GRIK4: variants seen among roughly 807,000 people sequenced by gnomAD.
GRIK4 encodes the protein glutamate receptor ionotropic, kainate 4.
A neutral mutation model predicts 104.9 loss-of-function variants in GRIK4; 40 were observed. That is an observed-to-expected ratio of 0.38 (90% CI 0.30 to 0.50). The LOEUF is 0.50. Ranked by LOEUF, GRIK4 falls within the 20% of genes least tolerant of loss-of-function variation. GRIK4 has a pLI of 0.93. For missense variants in GRIK4, 1,047 were observed against 1,308.1 expected, an observed-to-expected ratio of 0.80 and a Z score of 3.08; for synonymous variants, 485 against 524.9, an observed-to-expected ratio of 0.92 and a Z score of 1.04.
Position 120,953,011 on chromosome 11 carries a change from C to T in GRIK4, c.1700+47C>T, listed in dbSNP as rs77674279. 27 of 1,248,296 alleles carry T rather than the reference C, an allele frequency of 2.2e-5. 2 individuals carry two copies. In the South Asian group the frequency reaches 2.5e-4, roughly 12 times the overall value. The allele number at this position is 1,248,296 out of a possible 1,614,324, so 77.3% of individuals were successfully genotyped here. ...TGTCCTTACACCGCCACCTCGTGTC[C>T]ACCTCTGGGAACTGCATGGGGAGGG... On this transcript the variant is annotated intron_variant, in intron 15 of 20. Transcript: ENST00000527524. This position sits in a 1 kb window ranked among gnomAD's most constrained non-coding sequence, Gnocchi z 4.9.
chr11:120,620,020 G>A lies in GRIK4; in HGVS notation c.-158-33665G>A, dbSNP rs116217890. On this transcript the variant is annotated intron_variant, in intron 1 of 20. Transcript: ENST00000527524. ...TGGGAATCTCGGTGGAGCTGTTAGC[G>A]TAGTGAACCTGTGTGTAAAATACGT... 1,178 of 524,572 alleles carry A rather than the reference G, an allele frequency of 2.2e-3. 5 individuals carry two copies. The highest frequency in any genetic ancestry group is 0.019 in the African/African-American group (956 of 50,986). The allele number at this position is 524,572 out of a possible 1,614,324, so 32.5% of individuals were successfully genotyped here. A position where few individuals can be genotyped will look rare whatever the true frequency, so the allele number is the denominator to read the frequency against.
chr11:120,711,130 C>T (rs186620838), intron 3 of GRIK4, among the ~76,000 whole-genome samples: 3 of 152,310 alleles, frequency 2.0e-5, no homozygotes, highest in African/African-American at 7.2e-5. Flanking sequence ...TCCTGCACCA[C>T]AGCTTGTTAT....
intron 1 of GRIK4, among the ~76,000 whole-genome samples, chr11:120,634,402 C>A (rs1229882711): frequency 6.6e-6 from 1 of 152,114 alleles, no homozygotes; most frequent in Admixed American, 6.5e-5. Flanking sequence ...TCTCCCACAC[C>A]ACCCCGCCAC....
intron 11 of GRIK4, among the ~76,000 whole-genome samples, chr11:120,875,722 C>A (rs1271035848): frequency 6.6e-6 from 1 of 152,124 alleles, no homozygotes; most frequent in Non-Finnish European, 1.5e-5. Context: ...CCTCTCCTGG[C>A]CGCTCCCTGC....
chr11:120,957,477 G>A (rs1231517337), intron 16 of GRIK4, among the ~76,000 whole-genome samples: 2 of 152,208 alleles, frequency 1.3e-5, no homozygotes, highest in Non-Finnish European at 2.9e-5. Context: ...GTTCAGAGTT[G>A]AGCAAATGAT....
chr11:120,643,568 A>G (rs1251540435), intron 1 of GRIK4, among the ~76,000 whole-genome samples: 1 of 152,232 alleles, frequency 6.6e-6, no homozygotes, highest in African/African-American at 2.4e-5. Context: ...GAACAGTGGT[A>G]CTTGTTAAAT....
intron 3 of GRIK4, among the ~76,000 whole-genome samples, chr11:120,677,417 T>G (rs1033513629): frequency 2.0e-5 from 3 of 152,166 alleles, no homozygotes; most frequent in Non-Finnish European, 4.4e-5. Flanking sequence ...TATGTGTGCT[T>G]TAAGAAGCAA....
At chr11:120,735,612 A>C (rs548047899) in intron 3 of GRIK4, among the ~76,000 whole-genome samples, 1 of 151,946 alleles carries the variant, frequency 6.6e-6, no homozygotes, top group African/African-American at 2.4e-5. Context: ...CCAGGTTTGC[A>C]TCCTTTCTTT....
In GRIK4 at chr11:120,905,528, G is replaced by A. The variant is rs1290758189; in HGVS notation, c.1476+35G>A. On this transcript the variant is annotated intron_variant, in intron 13 of 20. Coordinates refer to ENST00000527524, the MANE Select transcript of GRIK4 (RefSeq NM_014619.5). The surrounding 1 kb of genome is among the most constrained non-coding windows in gnomAD (Gnocchi z 5.1). ...GGACAAGTGATCTGGGCCTGAGGGTGGGCTGGGAGGGATTGGAAGAGCATG... is the reference window on the plus strand; with the variant it reads ...GGACAAGTGATCTGGGCCTGAGGGTAGGCTGGGAGGGATTGGAAGAGCATG... The A allele has an allele frequency of 9.0e-7, 1 of 1,107,084 alleles. No individual in the cohort carries two copies. Among genetic ancestry groups the A allele is most frequent in the Non-Finnish European group, 1.4e-6 (1 of 729,172 alleles). The allele number at this position is 1,107,084 out of a possible 1,614,324, so 68.6% of individuals were successfully genotyped here. A position where few individuals can be genotyped will look rare whatever the true frequency, so the allele number is the denominator to read the frequency against.
intron 3 of GRIK4, among the ~76,000 whole-genome samples, chr11:120,699,539 ATGTGTGTGTG>A (rs57345739): frequency 0.042 from 6,168 of 145,132 alleles, 295 homozygotes; most frequent in African/African-American, 0.13. Flanking sequence ...AGGTGTGTGT[ATGTGTGTGTG>A]TGTGTGTGTG....
chr11:120,924,787 C>G (rs1943306404), intron 13 of GRIK4, among the ~76,000 whole-genome samples: 1 of 152,196 alleles, frequency 6.6e-6, no homozygotes, highest in African/African-American at 2.4e-5. Context: ...TGAGCCATGT[C>G]AACAAGTGGG....
chr11:120,576,548 C>G (rs959043894), intron 1 of GRIK4: 1 of 152,112 alleles, frequency 6.6e-6, no homozygotes, highest in Non-Finnish European at 1.5e-5. Context: ...ATGACCTGGG[C>G]GGATGGAGGC....
chr11:120,840,715 C>G (rs1953690775), intron 8 of GRIK4, among the ~76,000 whole-genome samples: 2 of 152,186 alleles, frequency 1.3e-5, no homozygotes, highest in African/African-American at 4.8e-5. Context: ...CATGCCAACA[C>G]AGAGAACTAG....
intron 3 of GRIK4, among the ~76,000 whole-genome samples, chr11:120,661,443 G>A (rs1353745526): frequency 6.6e-6 from 1 of 152,222 alleles, no homozygotes; most frequent in African/African-American, 2.4e-5. Flanking sequence ...CACACTGGGG[G>A]TGGGGTTGGG....
intron 13 of GRIK4, among the ~76,000 whole-genome samples, chr11:120,928,457 G>A (rs181081213): frequency 5.3e-5 from 8 of 152,222 alleles, no homozygotes. Context: ...TGCTCAGCTG[G>A]TGAATGGCAG....
intron 1 of GRIK4, among the ~76,000 whole-genome samples, chr11:120,625,426 C>T (rs961751906): frequency 8.5e-5 from 13 of 152,062 alleles, no homozygotes; most frequent in Non-Finnish European, 1.6e-4. Context: ...CCGGGGGAGG[C>T]GGAGAGAGAA....
intron 3 of GRIK4, among the ~76,000 whole-genome samples, chr11:120,663,956 A>C (rs981747898): frequency 2.6e-5 from 4 of 152,192 alleles, no homozygotes; most frequent in Non-Finnish European, 5.9e-5. Flanking sequence ...CATCTGTTCC[A>C]GCACTTGCCG....
At chr11:120,865,327 A>C (rs372082696) in intron 9 of GRIK4, among the ~76,000 whole-genome samples, 2 of 152,354 alleles carry the variant, frequency 1.3e-5, no homozygotes, top group East Asian at 3.9e-4. Context: ...CCAACTCCTA[A>C]ATCTCATGAT....
At chr11:120,951,442 T>C (rs1943998869) in intron 14 of GRIK4, among the ~76,000 whole-genome samples, 1 of 152,232 alleles carries the variant, frequency 6.6e-6, no homozygotes, top group Non-Finnish European at 1.5e-5. Flanking sequence ...GGGAGTTCCC[T>C]TTTGTGTTTC....
Sources: gnomAD v4.1 joint callset for allele counts (sites outside exome capture counted in the v4.1 genomes callset) on GRCh38, gnomAD v4.1.1 for gene constraint, Gnocchi (gnomAD v3.1) non-coding constraint, MANE v1.5 for transcripts, NCBI Gene and HGNC (gene_info 2026-07-23, HGNC 2026-07-21) for gene names.